DPYSL2: variants seen among roughly 807,000 people sequenced by gnomAD.
DPYSL2 encodes dihydropyrimidinase like 2, also known as dihydropyrimidinase-related protein 2.
DPYSL2 carries 13 observed loss-of-function variants against 69.9 expected under a neutral mutation model. The ratio of observed to expected loss-of-function variants is 0.19; its 90% CI spans 0.12 to 0.30. DPYSL2 has a LOEUF of 0.30. DPYSL2 is among the 10% of genes least tolerant of loss of function. The pLI is 1.00. For missense variants in DPYSL2, 587 were observed against 918.9 expected (o/e 0.64, Z 4.67); for synonymous variants, 326 against 359.1 (o/e 0.91, Z 1.04).
chr8:26,583,329 C>CTTTTTTTTTTTTT (rs71553807), intron 2 of DPYSL2, among the ~76,000 whole-genome samples: 2 of 139,080 alleles, frequency 1.4e-5, no homozygotes. Flanking sequence ...ATAGTGTTCA[C>CTTTTTTTTTTTTT]TTTTTTTTTT....
At position 26,622,167 on chromosome 8, in the gene DPYSL2, C is replaced by CTCTTTCTT. The variant is rs148003837; in HGVS notation, c.629-1962_629-1955dup. Among the ~76,000 whole-genome samples, 144 of 74,810 alleles carry CTCTTTCTT rather than the reference C, an allele frequency of 1.9e-3. 2 individuals carry two copies. The South Asian group carries it at 0.022, about 11-fold the overall frequency. 49.1% of individuals were successfully genotyped at this position (74,810 alleles called of 152,430 possible). A position where few individuals can be genotyped will look rare whatever the true frequency, so the allele number is the denominator to read the frequency against. ...CTTCCTTCCTTCCTTCCCTCTCTCT[C>CTCTTTCTT]TCTTTCTTTCTTTCTTTCTTTTATT... On this transcript the variant is annotated intron_variant, in intron 3 of 13. Transcript: ENST00000521913.
intron 3 of DPYSL2, among the ~76,000 whole-genome samples, chr8:26,601,096 C>T (rs1389363072): frequency 6.6e-6 from 1 of 152,204 alleles, no homozygotes; most frequent in Non-Finnish European, 1.5e-5. Context: ...TCCTGATCTC[C>T]AGAGGGCAGA....
rs1264987389 is a variant in DPYSL2, at chr8:26,598,967, G to T, written c.628+14984G>T. Among the ~76,000 whole-genome samples, 1 of 152,162 alleles carries T rather than the reference G, an allele frequency of 6.6e-6. No individual in the cohort carries two copies. The highest frequency in any genetic ancestry group is 6.5e-5 in the Admixed American group (1 of 15,280). ...TGCGTTTGGCTCACACCCAGCGGGAGTGCCCTTCTTGTGAAGGAAGCTCGT... is the reference window on the plus strand; with the variant it reads ...TGCGTTTGGCTCACACCCAGCGGGATTGCCCTTCTTGTGAAGGAAGCTCGT... On this transcript the variant is annotated intron_variant, in intron 3 of 13. Transcript: ENST00000521913. The surrounding 1 kb of genome is among the most constrained non-coding windows in gnomAD (Gnocchi z 4.2).
At chr8:26,559,817 A>C (rs887810203) in intron 1 of DPYSL2, among the ~76,000 whole-genome samples, 8 of 152,288 alleles carry the variant, frequency 5.3e-5, no homozygotes, top group Non-Finnish European at 1.0e-4. Context: ...CATGCTTCTC[A>C]AGGTTCCCTC....
In DPYSL2 at chr8:26,601,324, A is replaced by G. The variant is rs1801986204; in HGVS notation, c.628+17341A>G. 1.3e-5 allele frequency among the ~76,000 whole-genome samples: 2 copies of G among 152,118 alleles called. 1 individual carries two copies. Among genetic ancestry groups the G allele is most frequent in the South Asian group, 4.1e-4 (2 of 4,822 alleles). On this transcript the variant is annotated intron_variant, in intron 3 of 13. Transcript: ENST00000521913. ...ATGATGGTCATCTGGCTCCGGGGCC[A>G]GCACTTAATCCTGCTGGGTATGTTC...
rs1255945568 is a variant in DPYSL2 at position 26,617,744 on chromosome 8, C to T, written c.629-6399C>T. ...TGCCAAGTGAAAGCAGACAGACGCA[C>T]AAGACTACATCTTTTATGATTCCAT... On this transcript the variant is annotated intron_variant, in intron 3 of 13. Transcript: ENST00000521913. This position sits in a 1 kb window ranked among gnomAD's most constrained non-coding sequence, Gnocchi z 4.7. 6.6e-6 allele frequency among the ~76,000 whole-genome samples: 1 copy of T among 152,148 alleles called. No homozygotes were observed. The highest frequency in any genetic ancestry group is 1.5e-5 in the Non-Finnish European group (1 of 68,030).
intron 1 of DPYSL2, among the ~76,000 whole-genome samples, chr8:26,530,545 A>G (rs905879906): frequency 3.9e-5 from 6 of 152,212 alleles, no homozygotes. Flanking sequence ...AAATTCCTCA[A>G]TTTCCAATAG....
chr8:26,525,805 C>T (rs904360161), intron 1 of DPYSL2, among the ~76,000 whole-genome samples: 18 of 152,038 alleles, frequency 1.2e-4, no homozygotes, highest in Admixed American at 7.2e-4. Flanking sequence ...TCGTTTTCCC[C>T]GTCACTCAAA....
chr8:26,556,191 A>AC (rs1563385024), intron 1 of DPYSL2, among the ~76,000 whole-genome samples: 1 of 13,386 alleles, frequency 7.5e-5, no homozygotes. Flanking sequence ...TACTATATAT[A>AC]TTATATATAC....
At chr8:26,600,060 A>C (rs959171210) in intron 3 of DPYSL2, among the ~76,000 whole-genome samples, 10 of 152,320 alleles carry the variant, frequency 6.6e-5, no homozygotes, top group African/African-American at 2.4e-4. Context: ...TAATGTTTTC[A>C]AGGTTTATCC....
At position 26,655,734 on chromosome 8, in the gene DPYSL2, G is replaced by C. The variant is rs1803371797; in HGVS notation, c.*28G>C. ...CTCCTGGGCTGTGCCGTCCACTGGG[G>C]ACTGGGGATGGGACACCTGAGGACA... On this transcript the variant is annotated 3_prime_UTR_variant, in exon 14 of 14. Coordinates refer to ENST00000521913, the MANE Select transcript of DPYSL2 (RefSeq NM_001197293.3). 1 of 1,554,210 alleles carries C rather than the reference G, an allele frequency of 6.4e-7. No individual in the cohort carries two copies. Among genetic ancestry groups the C allele is most frequent in the African/African-American group, 1.4e-5 (1 of 73,564 alleles).
rs1801515591 is a variant in DPYSL2 at position 26,582,671 on chromosome 8, G to A, written c.443+614G>A. Among the ~76,000 whole-genome samples, 1 of 152,302 alleles carries A rather than the reference G, an allele frequency of 6.6e-6. No individual in the cohort carries two copies. Among genetic ancestry groups the A allele is most frequent in the South Asian group, 2.1e-4 (1 of 4,824 alleles). On this transcript the variant is annotated intron_variant, in intron 2 of 13. Transcript: ENST00000521913. This position sits in a 1 kb window ranked among gnomAD's most constrained non-coding sequence, Gnocchi z 4.1. ...TTCCTGAGTTTGGGTATTTTTGGAC[G>A]CCAGAGGGTTAAGGAAGCTGAGTTC...
chr8:26,574,732 G>C (rs1397993215), intron 1 of DPYSL2, among the ~76,000 whole-genome samples: 3 of 152,122 alleles, frequency 2.0e-5, no homozygotes, highest in Non-Finnish European at 4.4e-5. Context: ...TTTTTCTACA[G>C]AAAGTATAAG....
At chr8:26,632,571 G>A (rs1330484986) in intron 7 of DPYSL2, among the ~76,000 whole-genome samples, 2 of 152,184 alleles carry the variant, frequency 1.3e-5, no homozygotes, top group African/African-American at 4.8e-5. Flanking sequence ...AGGCGTAGTG[G>A]CTTGTACCTG....
chr8:26,633,783 C>T (rs888148646), intron 7 of DPYSL2, among the ~76,000 whole-genome samples: 5 of 152,148 alleles, frequency 3.3e-5, no homozygotes, highest in East Asian at 1.9e-4. Context: ...CTGGAACATC[C>T]GATTTAAAGC....
At position 26,593,984 on chromosome 8, in the gene DPYSL2, C is replaced by T. The variant is rs974321197; in HGVS notation, c.628+10001C>T. On this transcript the variant is annotated intron_variant, in intron 3 of 13. Coordinates refer to ENST00000521913, the MANE Select transcript of DPYSL2 (RefSeq NM_001197293.3). This position sits in a 1 kb window ranked among gnomAD's most constrained non-coding sequence, Gnocchi z 5.7. ...TCTTAAGGCAGCCATTCACCTCCTTCCCAGCCCCGCTCCCACAGCTGGGCA... is the reference window on the plus strand; with the variant it reads ...TCTTAAGGCAGCCATTCACCTCCTTTCCAGCCCCGCTCCCACAGCTGGGCA... Among the ~76,000 whole-genome samples the T allele has an allele frequency of 5.9e-5, 9 of 152,172 alleles. No individual in the cohort carries two copies. Among genetic ancestry groups the T allele is most frequent in the African/African-American group, 1.7e-4 (7 of 41,434 alleles).
Position 26,580,999 on chromosome 8 carries a change from C to T in DPYSL2, c.355-970C>T, listed in dbSNP as rs1801480740. Among the ~76,000 whole-genome samples, 1 of 152,186 alleles carries T rather than the reference C, an allele frequency of 6.6e-6. No homozygotes were observed. Among genetic ancestry groups the T allele is most frequent in the South Asian group, 2.1e-4 (1 of 4,832 alleles). ...AATATCACCGGTTAAAATATAAGTGCATCAGCAATCTGTAGTGCATTGCAT... is the reference window on the plus strand; with the variant it reads ...AATATCACCGGTTAAAATATAAGTGTATCAGCAATCTGTAGTGCATTGCAT... On this transcript the variant is annotated intron_variant, in intron 1 of 13. Coordinates refer to ENST00000521913, the MANE Select transcript of DPYSL2 (RefSeq NM_001197293.3). The surrounding 1 kb of genome is among the most constrained non-coding windows in gnomAD (Gnocchi z 4.1).
intron 3 of DPYSL2, among the ~76,000 whole-genome samples, chr8:26,622,464 G>A (rs1385029138): frequency 2.7e-5 from 3 of 110,492 alleles, no homozygotes; most frequent in Non-Finnish European, 4.2e-5. Flanking sequence ...GTGTGTGTGT[G>A]TGTGTGTGTA....
At chr8:26,636,893 C>T (rs909192192) in intron 8 of DPYSL2, among the ~76,000 whole-genome samples, 3 of 152,096 alleles carry the variant, frequency 2.0e-5, no homozygotes, top group Non-Finnish European at 1.5e-5. Context: ...GGCGCCCCCC[C>T]ATCACACCCA....
Sources: allele counts gnomAD v4.1 joint callset (sites outside exome capture counted in the v4.1 genomes callset), GRCh38; gene constraint gnomAD v4.1.1; non-coding constraint Gnocchi (gnomAD v3.1); transcripts MANE v1.5; gene names NCBI Gene and HGNC (gene_info 2026-07-23, HGNC 2026-07-21).